Variants in COLEC12 observed in about 807,000 individuals in gnomAD.
COLEC12 encodes the protein collectin subfamily member 12.
In COLEC12, 33 loss-of-function variants were observed where a neutral mutation model predicts 71.1. The ratio of observed to expected loss-of-function variants is 0.46; its 90% confidence interval spans 0.35 to 0.62. COLEC12 has a LOEUF of 0.62. Among genes scored for constraint, COLEC12 ranks in the 20% least tolerant of loss-of-function variants. COLEC12 has a pLI of 0.00. For missense variants in COLEC12, 765 were observed against 916.1 expected, an observed-to-expected ratio of 0.84 and a Z score of 2.13; for synonymous variants, 350 against 353.0, an observed-to-expected ratio of 0.99 and a Z score of 0.10.
At chr18:377,635 G>A (rs78928673) in intron 2 of COLEC12, among the ~76,000 whole-genome samples, 109 of 152,350 alleles carry the variant, frequency 7.2e-4, no homozygotes, top group Non-Finnish European at 9.1e-4. Context: ...GCTGGGCTGG[G>A]TTGTTGGACC....
rs571037257 is a variant in COLEC12, at chr18:466,257, TA to T, written c.58+14449del. Among the ~76,000 whole-genome samples the T allele has an allele frequency of 3.5e-3, 537 of 151,994 alleles. 3 individuals carry two copies. Among genetic ancestry groups the T allele is most frequent in the African/African-American group, 0.012 (513 of 41,476 alleles). ...CTTGTCTCAAAAAACAAAAAACAAA[TA>T]AAAAATTTTTAAAAAATGGTTACAT... is the stretch of plus-strand genomic sequence containing the variant. On this transcript the variant is annotated intron_variant, in intron 2 of 9. Transcript: ENST00000400256.
intron 2 of COLEC12, among the ~76,000 whole-genome samples, chr18:373,844 C>G (rs982297402): frequency 3.9e-5 from 6 of 152,094 alleles, no homozygotes; most frequent in African/African-American, 1.2e-4. Flanking sequence ...CCAATATGAG[C>G]CAATGGGACT....
intron 3 of COLEC12, among the ~76,000 whole-genome samples, chr18:350,230 A>G (rs1402971551): frequency 2.0e-5 from 3 of 152,162 alleles, no homozygotes; most frequent in African/African-American, 7.2e-5. Context: ...TACTGTTCTC[A>G]TGGTAGTGAA....
chr18:481,647 T>C (rs1347773963), intron 1 of COLEC12, among the ~76,000 whole-genome samples: 2 of 151,884 alleles, frequency 1.3e-5, no homozygotes, highest in African/African-American at 4.8e-5. Flanking sequence ...GAGGTTGCAG[T>C]GAGCTAAGAT....
At chr18:478,928 G>A (rs1395259211) in intron 2 of COLEC12, among the ~76,000 whole-genome samples, 1 of 124,490 alleles carries the variant, frequency 8.0e-6, no homozygotes, top group Non-Finnish European at 1.6e-5. Flanking sequence ...TTTTTTGTGT[G>A]TTTTTCACCA....
At chr18:424,355 C>T (rs1168055130) in intron 2 of COLEC12, 1 of 152,184 alleles carries the variant, frequency 6.6e-6, no homozygotes, top group African/African-American at 2.4e-5. Context: ...GGGGGAAATG[C>T]TATCATAGCT....
Position 399,605 on chromosome 18 carries a change from A to T in COLEC12, c.59-42083T>A, listed in dbSNP as rs942897581. On this transcript the variant is annotated intron_variant, in intron 2 of 9. Coordinates refer to ENST00000400256, the MANE Select transcript of COLEC12 (RefSeq NM_130386.3). The surrounding 1 kb of genome is among the most constrained non-coding windows in gnomAD (Gnocchi z 4.0). ...CACCCTCATCTGAAGCTTTTGTCTA[A>T]GTCTCCCTGGCAGGTTATTTGCTTG... Among the ~76,000 whole-genome samples the T allele has an allele frequency of 6.6e-6, 1 of 152,228 alleles. No homozygotes were observed. The highest frequency in any genetic ancestry group is 2.4e-5 in the African/African-American group (1 of 41,448).
At chr18:479,285 G>C (rs1917364492) in intron 2 of COLEC12, among the ~76,000 whole-genome samples, 1 of 151,492 alleles carries the variant, frequency 6.6e-6, no homozygotes. Flanking sequence ...ACGGAGGAGG[G>C]GCGACGGGGC....
intron 2 of COLEC12, among the ~76,000 whole-genome samples, chr18:435,606 C>G (rs1271673711): frequency 6.6e-6 from 1 of 152,156 alleles, no homozygotes; most frequent in Non-Finnish European, 1.5e-5. Flanking sequence ...AAATCTCTCT[C>G]TCTCTCTCTA....
intron 2 of COLEC12, among the ~76,000 whole-genome samples, chr18:368,729 G>A (rs568716128): frequency 1.3e-4 from 19 of 151,314 alleles, no homozygotes; most frequent in East Asian, 2.0e-4. Context: ...AGCCGGGCGT[G>A]GTGGCGGGCG....
Position 480,352 on chromosome 18 carries a change from G to A in COLEC12, c.58+355C>T, listed in dbSNP as rs1371723431. 6.6e-6 allele frequency among the ~76,000 whole-genome samples: 1 copy of A among 152,172 alleles called. No homozygotes were observed. The highest frequency in any genetic ancestry group is 2.4e-5 in the African/African-American group (1 of 41,448). Reference sequence around the variant, plus strand: ...AGGAGTGTAAGGCCTGAGCAAAGACGTTTTCTGAATAACAAAACTGAAAAA... The same window carrying A: ...AGGAGTGTAAGGCCTGAGCAAAGACATTTTCTGAATAACAAAACTGAAAAA... On this transcript the variant is annotated intron_variant, in intron 2 of 9. Coordinates refer to ENST00000400256, the MANE Select transcript of COLEC12 (RefSeq NM_130386.3). This position sits in a 1 kb window ranked among gnomAD's most constrained non-coding sequence, Gnocchi z 4.1.
chr18:343,651 G>A (rs116968242), intron 5 of COLEC12, among the ~76,000 whole-genome samples: 657 of 152,236 alleles, frequency 4.3e-3, no homozygotes, highest in Non-Finnish European at 7.5e-3. Context: ...ACCGGGTACC[G>A]TAGGGAGGGG....
intron 2 of COLEC12, among the ~76,000 whole-genome samples, chr18:368,532 C>T (rs2143526413): frequency 6.6e-6 from 1 of 151,994 alleles, no homozygotes; most frequent in South Asian, 2.1e-4. Flanking sequence ...CGAAATCCCA[C>T]CAGTACTCTC....
At chr18:498,304 A>G (rs1192836912) in intron 1 of COLEC12, among the ~76,000 whole-genome samples, 2 of 151,920 alleles carry the variant, frequency 1.3e-5, no homozygotes, top group Admixed American at 1.3e-4. Flanking sequence ...GACAAATGTA[A>G]TAAATACAGA....
chr18:369,728 G>A (rs140559570), intron 2 of COLEC12, among the ~76,000 whole-genome samples: 2 of 152,206 alleles, frequency 1.3e-5, no homozygotes, highest in East Asian at 3.9e-4. Flanking sequence ...GAATGTTTAA[G>A]GTTCAATTCC....
At chr18:451,170 T>TGCCTCCTGCCTGCTCCC (rs1333053735) in intron 2 of COLEC12, among the ~76,000 whole-genome samples, 4 of 152,266 alleles carry the variant, frequency 2.6e-5, no homozygotes, top group Non-Finnish European at 5.9e-5. Context: ...CTCCTGCTCC[T>TGCCTCCTGCCTGCTCCC]GCCTCCTGCC....
At chr18:465,070 G>A (rs906181703) in intron 2 of COLEC12, among the ~76,000 whole-genome samples, 2 of 152,152 alleles carry the variant, frequency 1.3e-5, no homozygotes, top group African/African-American at 4.8e-5. Flanking sequence ...GGGAAGAAAG[G>A]GGAGATGGGA....
chr18:420,124 T>G (rs1234022162), intron 2 of COLEC12, among the ~76,000 whole-genome samples: 1 of 152,186 alleles, frequency 6.6e-6, no homozygotes, highest in Admixed American at 6.5e-5. Context: ...GAGTTGTGTC[T>G]GCTGTACAGT....
chr18:352,386 T>C (rs912234265), intron 3 of COLEC12, among the ~76,000 whole-genome samples: 2 of 152,178 alleles, frequency 1.3e-5, no homozygotes, highest in South Asian at 2.1e-4. Context: ...ATGCTGACAG[T>C]CAGTCATTTT....
Sources: gnomAD v4.1 joint callset for allele counts (sites outside exome capture counted in the v4.1 genomes callset) on GRCh38, gnomAD v4.1.1 for gene constraint, Gnocchi (gnomAD v3.1) non-coding constraint, MANE v1.5 for transcripts, NCBI Gene and HGNC (gene_info 2026-07-23, HGNC 2026-07-21) for gene names.